TXNRD2: variants seen among roughly 807,000 people sequenced by gnomAD.
TXNRD2 encodes thioredoxin reductase 2, also known as thioredoxin reductase 2, mitochondrial.
TXNRD2 carries 67 observed loss-of-function variants against 70.8 expected under a neutral mutation model. The observed-to-expected ratio is 0.95, with a 90% CI of 0.78 to 1.16. TXNRD2 has a LOEUF of 1.16. TXNRD2 is among the 50% of genes most tolerant of loss of function. The probability of loss-of-function intolerance (pLI) is 0.00; values close to 1 mark genes in which losing one functional copy is unlikely to be tolerated. For missense variants in TXNRD2, 644 were observed against 719.9 expected (o/e 0.89, Z 1.21); for synonymous variants, 301 against 295.8 (o/e 1.02, Z -0.18).
chr22:19,937,011 T>C (rs1941559641), intron 1 of TXNRD2, among the ~76,000 whole-genome samples: 1 of 152,202 alleles, frequency 6.6e-6, no homozygotes. Context: ...TTGTACTCAG[T>C]ATGTTCCTAC....
At chr22:19,892,377 C>T (rs941745001) in intron 11 of TXNRD2, among the ~76,000 whole-genome samples, 2 of 152,268 alleles carry the variant, frequency 1.3e-5, no homozygotes, top group African/African-American at 4.8e-5. Context: ...GCAGAAGCCG[C>T]GCCGCCCTCG....
chr22:19,880,105 A>G (rs1430076827), intron 14 of TXNRD2, 74 bp downstream of exon 14: 2 of 1,501,988 alleles, frequency 1.3e-6, no homozygotes, highest in Non-Finnish European at 1.8e-6. Context: ...CCTGCTCACA[A>G]GGCCTCCGCC....
Position 19,896,932 on chromosome 22 carries a change from G to A in TXNRD2, c.774+1107C>T, listed in dbSNP as rs145371308. Among the ~76,000 whole-genome samples, 45 of 152,304 alleles carry A rather than the reference G, an allele frequency of 3.0e-4. No individual in the cohort carries two copies. The East Asian group carries it at 8.3e-3, about 28-fold the overall frequency. ...CCAGGCTCTGAGGGAGAACCATGGA[G>A]CCTGTCCAGGACACAGGGTCCCTCG... On this transcript the variant is annotated intron_variant, in intron 10 of 17. Coordinates refer to ENST00000400521, the MANE Select transcript of TXNRD2 (RefSeq NM_006440.5).
chr22:19,915,768 T>C lies in TXNRD2; in HGVS notation c.525A>G (p.Lys175=). ...HTVCGVAKGG[K]EILLSADHII... is the part of the protein sequence containing the mutation. ...CGCGAGTAAGTCAGATGCTCACCTCTTTCCCACCTTTGGCAACGCCGCAAA... is the reference window on the plus strand; with the variant it reads ...CGCGAGTAAGTCAGATGCTCACCTCCTTCCCACCTTTGGCAACGCCGCAAA... The change falls in exon 6 of 18, where the codon AAA becomes AAG. Residue 175 remains lysine, a synonymous_variant. Coordinates refer to ENST00000400521, the MANE Select transcript of TXNRD2 (RefSeq NM_006440.5). 1 of 1,614,192 alleles carries C rather than the reference T, an allele frequency of 6.2e-7. No homozygotes were observed. The highest frequency in any genetic ancestry group is 8.5e-7 in the Non-Finnish European group (1 of 1,180,006).
intron 2 of TXNRD2, among the ~76,000 whole-genome samples, chr22:19,930,239 TC>T (rs1941308000): frequency 6.6e-6 from 1 of 152,144 alleles, no homozygotes; most frequent in South Asian, 2.1e-4. Flanking sequence ...ATACTGGACA[TC>T]AGAGAAGCAC....
intron 10 of TXNRD2, among the ~76,000 whole-genome samples, chr22:19,896,092 T>TA: frequency 6.6e-6 from 1 of 151,792 alleles, no homozygotes; most frequent in African/African-American, 2.4e-5. Context: ...GGTCAGGAGA[T>TA]AGAGATCATC....
chr22:19,885,848 G>T (rs113823412), intron 11 of TXNRD2, among the ~76,000 whole-genome samples: 8 of 152,238 alleles, frequency 5.3e-5, no homozygotes, highest in Non-Finnish European at 1.0e-4. Context: ...CCTTGCAGGT[G>T]CTGACCAAAC....
chr22:19,892,221 A>T (rs992904474), intron 11 of TXNRD2, among the ~76,000 whole-genome samples: 1 of 152,282 alleles, frequency 6.6e-6, no homozygotes, highest in Non-Finnish European at 1.5e-5. Context: ...TGCAAGTAGA[A>T]ATAAAGCTTG....
intron 13 of TXNRD2, 40 bp downstream of exon 13, chr22:19,880,582 C>T (rs1938722398): frequency 6.3e-7 from 1 of 1,582,720 alleles, no homozygotes; most frequent in Non-Finnish European, 8.7e-7. Flanking sequence ...CGAACTCAGC[C>T]TGTCCTAGGC....
chr22:19,882,373 AT>A (rs993401717), intron 12 of TXNRD2, among the ~76,000 whole-genome samples: 1 of 151,964 alleles, frequency 6.6e-6, no homozygotes, highest in African/African-American at 2.4e-5. Flanking sequence ...TAATTTTTGT[AT>A]TTTTTTAGTA....
chr22:19,880,287 G>A lies in TXNRD2; in HGVS notation c.1183-16C>T, dbSNP rs201513820. The A allele has an allele frequency of 3.1e-6, 5 of 1,612,726 alleles. No homozygotes were observed. The highest frequency in any genetic ancestry group is 1.1e-5 in the South Asian group (1 of 91,056). On this transcript the variant is annotated splice_polypyrimidine_tract_variant and intron_variant, in intron 13 of 17. Coordinates refer to ENST00000400521, the MANE Select transcript of TXNRD2 (RefSeq NM_006440.5). ...TCGTGGGAACCTGAAAGCAGGTCTG[G>A]AGTCAGGGAGGGCCCTTGGGCCCCG... is the stretch of plus-strand genomic sequence containing the variant.
intron 9 of TXNRD2, 44 bp from the exon 10 acceptor site, chr22:19,898,174 A>T (rs1401135274): frequency 6.6e-7 from 1 of 1,524,342 alleles, no homozygotes; most frequent in Non-Finnish European, 8.9e-7. Flanking sequence ...CCAATTTTGG[A>T]AATGATGGGA....
At chr22:19,901,926 C>T (rs1202694243) in intron 8 of TXNRD2, among the ~76,000 whole-genome samples, 5 of 152,158 alleles carry the variant, frequency 3.3e-5, no homozygotes, top group East Asian at 1.9e-4. Context: ...AGGTTGGGTG[C>T]GGTGGGTCAT....
chr22:19,915,269 A>G lies in TXNRD2; in HGVS notation c.536T>C (p.Leu179Pro), dbSNP rs1940584397. 1.2e-6 allele frequency: 2 copies of G among 1,613,748 alleles called. No homozygotes were observed. The highest frequency in any genetic ancestry group is 1.7e-6 in the Non-Finnish European group (2 of 1,179,892). ...GVAKGGKEIL[L>P]SADHIIIATG... ...AGCAATGATGATGTGATCGGCTGAC[A>G]GCAGAATCTGAGGAGAAAAAGAGAA... The change falls in exon 7 of 18, where the codon CTG (leucine) becomes CCG (proline). Residue 179 changes from leucine to proline, a missense_variant. This residue lies in a region of TXNRD2 where 566 missense variants were observed against 645.0 expected (regional missense o/e 0.88). Coordinates refer to ENST00000400521, the MANE Select transcript of TXNRD2 (RefSeq NM_006440.5).
chr22:19,937,450 T>C (rs1295888605), intron 1 of TXNRD2, among the ~76,000 whole-genome samples: 2 of 152,250 alleles, frequency 1.3e-5, no homozygotes, highest in Non-Finnish European at 2.9e-5. Flanking sequence ...ACTCAAGGTA[T>C]TCTTCTTCAT....
chr22:19,940,262 AAAAACCCC>A (rs1569120110), intron 1 of TXNRD2, among the ~76,000 whole-genome samples: 1 of 151,364 alleles, frequency 6.6e-6, no homozygotes, highest in Non-Finnish European at 1.5e-5. Flanking sequence ...AAAAAAAAAA[AAAAACCCC>A]AAAAAAACAA....
At chr22:19,904,026 C>A (rs1376975832) in intron 8 of TXNRD2, among the ~76,000 whole-genome samples, 1 of 152,250 alleles carries the variant, frequency 6.6e-6, no homozygotes, top group Non-Finnish European at 1.5e-5. Flanking sequence ...GGCAAACGGG[C>A]TGGCACAAGG....
chr22:19,932,588 T>A, intron 1 of TXNRD2: 1 of 1,445,624 alleles, frequency 6.9e-7, no homozygotes, highest in Non-Finnish European at 9.1e-7. Context: ...AACTCCCTGC[T>A]GAAGGAAGGA....
At position 19,915,844 on chromosome 22, in the gene TXNRD2, C is replaced by T. The variant is rs755703700; in HGVS notation, c.450-1G>A. 13 of 1,613,708 alleles carry T rather than the reference C, an allele frequency of 8.1e-6. No homozygotes were observed. Among genetic ancestry groups the T allele is most frequent in the Non-Finnish European group, 1.1e-5 (13 of 1,179,772 alleles). On this transcript the variant is annotated splice_acceptor_variant, in intron 5 of 17. Coordinates refer to ENST00000400521, the MANE Select transcript of TXNRD2 (RefSeq NM_006440.5). LOFTEE classifies it high-confidence loss of function. ...TTTGATGTTAAAGTACTTGACTTTT[C>T]TGAAAGATAAAGATAAGATTTTCAA...
Sources: gnomAD v4.1 joint callset for allele counts (sites outside exome capture counted in the v4.1 genomes callset) on GRCh38, gnomAD v4.1.1 for gene constraint, gnomAD v4.1.1 regional missense constraint, MANE v1.5 for transcripts, NCBI Gene and HGNC (gene_info 2026-07-23, HGNC 2026-07-21) for gene names.